Variants in VPS13B observed in about 807,000 individuals in gnomAD.
VPS13B encodes vacuolar protein sorting 13 homolog B.
In VPS13B, 285 loss-of-function variants were observed where a neutral mutation model predicts 426.4. The observed-to-expected ratio is 0.67, with a 90% confidence interval of 0.61 to 0.74. VPS13B has a LOEUF of 0.74. Ranked by LOEUF, VPS13B falls within the 30% of genes least tolerant of loss-of-function variation. The probability of loss-of-function intolerance (pLI) is 0.00; values close to 1 mark genes in which losing one functional copy is unlikely to be tolerated. For synonymous variants in VPS13B, 1,676 were observed against 1,676.4 expected (o/e 1.00, Z 0.01); for missense variants, 4,537 against 4,782.6 (o/e 0.95, Z 1.51).
At chr8:99,048,377 G>T (rs1319377424) in intron 3 of VPS13B, among the ~76,000 whole-genome samples, 1 of 152,172 alleles carries the variant, frequency 6.6e-6, no homozygotes, top group African/African-American at 2.4e-5. Flanking sequence ...TTGCTCCAGG[G>T]TATAGTTTAA....
chr8:99,109,853 A>G (rs1847269196), intron 5 of VPS13B, among the ~76,000 whole-genome samples: 1 of 152,202 alleles, frequency 6.6e-6, no homozygotes, highest in Non-Finnish European at 1.5e-5. Flanking sequence ...TTGTCAGATA[A>G]GAGATGTAAA....
intron 25 of VPS13B, among the ~76,000 whole-genome samples, chr8:99,493,214 G>T (rs895737709): frequency 1.3e-5 from 2 of 152,048 alleles, no homozygotes; most frequent in African/African-American, 4.8e-5. Flanking sequence ...ACCATTTTAA[G>T]TATATAATTC....
chr8:99,745,597 G>A (rs1028791707), intron 39 of VPS13B, among the ~76,000 whole-genome samples: 3 of 152,060 alleles, frequency 2.0e-5, no homozygotes, highest in Admixed American at 6.6e-5. Flanking sequence ...TATATATACA[G>A]AGAGAGTTCA....
chr8:99,057,184 A>T (rs868054382), intron 3 of VPS13B, among the ~76,000 whole-genome samples: 3 of 151,932 alleles, frequency 2.0e-5, no homozygotes, highest in Middle Eastern at 3.2e-3. Flanking sequence ...ACCCACAAAA[A>T]GTATTTTTTT....
intron 35 of VPS13B, among the ~76,000 whole-genome samples, chr8:99,687,543 T>C (rs1161901947): frequency 1.3e-5 from 2 of 151,934 alleles, no homozygotes; most frequent in Non-Finnish European, 2.9e-5. Context: ...TGGCTAGGGA[T>C]GGTCTAAATA....
chr8:99,103,107 C>T lies in VPS13B; in HGVS notation c.567C>T (p.Phe189=). 6.2e-7 allele frequency: 1 copy of T among 1,613,898 alleles called. No individual in the cohort carries two copies. Among genetic ancestry groups the T allele is most frequent in the Non-Finnish European group, 8.5e-7 (1 of 1,179,900 alleles). ...TAGGTGAATTATGGGATCGTGCATTCATGGATATTTCTGGTGAGTAAATAT... is the reference window on the plus strand; with the variant it reads ...TAGGTGAATTATGGGATCGTGCATTTATGGATATTTCTGGTGAGTAAATAT... ...YTVGELWDRA[F]MDISATDLVL... Residue 189 remains phenylalanine (F), a synonymous_variant, in exon 5 of 62, where the codon TTC becomes TTT. Coordinates refer to ENST00000357162, the MANE Select transcript of VPS13B (RefSeq NM_152564.5).
chr8:99,492,631 G>A (rs376243938), intron 25 of VPS13B, among the ~76,000 whole-genome samples: 1 of 152,168 alleles, frequency 6.6e-6, no homozygotes, highest in African/African-American at 2.4e-5. Context: ...AGACTGCTGC[G>A]CTAGCAGTGA....
chr8:99,453,021 C>G (rs530113316), intron 23 of VPS13B, among the ~76,000 whole-genome samples: 19 of 152,250 alleles, frequency 1.2e-4, no homozygotes, highest in African/African-American at 4.6e-4. Flanking sequence ...TTGCCTGTGA[C>G]TTTTATAAAA....
chr8:99,653,037 A>T (rs1829885208), intron 34 of VPS13B, among the ~76,000 whole-genome samples: 1 of 152,202 alleles, frequency 6.6e-6, no homozygotes, highest in African/African-American at 2.4e-5. Flanking sequence ...CTTGACTTTT[A>T]GCCTTGGTTC....
At chr8:99,649,139 CAAG>C (rs990507360) in intron 34 of VPS13B, among the ~76,000 whole-genome samples, 26 of 152,092 alleles carry the variant, frequency 1.7e-4, no homozygotes, top group African/African-American at 6.0e-4. Flanking sequence ...TAGCTGTTTT[CAAG>C]ACACCTGCTT....
intron 17 of VPS13B, among the ~76,000 whole-genome samples, chr8:99,271,224 C>CTAT (rs1563639129): frequency 6.6e-6 from 1 of 150,668 alleles, no homozygotes; most frequent in Non-Finnish European, 1.5e-5. Context: ...ACTACTACTA[C>CTAT]TACTACTACT....
chr8:99,681,468 A>G (rs1831153153), intron 35 of VPS13B, among the ~76,000 whole-genome samples: 1 of 152,218 alleles, frequency 6.6e-6, no homozygotes, highest in African/African-American at 2.4e-5. Flanking sequence ...TACGTCTTGT[A>G]CAGAGGTTGC....
intron 14 of VPS13B, among the ~76,000 whole-genome samples, chr8:99,148,799 G>T (rs1399898844): frequency 2.0e-5 from 3 of 152,192 alleles, no homozygotes; most frequent in African/African-American, 7.2e-5. Flanking sequence ...TAAACAAAGG[G>T]CCAAATGACT....
intron 5 of VPS13B, among the ~76,000 whole-genome samples, chr8:99,108,438 C>T (rs1309224756): frequency 1.3e-5 from 2 of 151,998 alleles, no homozygotes; most frequent in African/African-American, 2.4e-5. Context: ...TAATCTATCT[C>T]GAGTTGATTT....
intron 13 of VPS13B, among the ~76,000 whole-genome samples, chr8:99,146,330 C>T (rs1265644116): frequency 5.3e-5 from 8 of 152,082 alleles, no homozygotes; most frequent in Non-Finnish European, 4.4e-5. Context: ...TGTAAAAAAT[C>T]AATTGAGCAT....
chr8:99,390,125 TCTCA>T (rs1814350306), intron 20 of VPS13B, among the ~76,000 whole-genome samples: 2 of 151,138 alleles, frequency 1.3e-5, no homozygotes, highest in East Asian at 3.9e-4. Flanking sequence ...TGAGATGGAG[TCTCA>T]CTCTGTTGCC....
chr8:99,334,568 T>C (rs1275626386), intron 19 of VPS13B, among the ~76,000 whole-genome samples: 1 of 152,164 alleles, frequency 6.6e-6, no homozygotes, highest in East Asian at 1.9e-4. Flanking sequence ...CGTGAAGCGT[T>C]GTTGAATTTT....
chr8:99,507,289 C>T, intron 28 of VPS13B, 86 bp downstream of exon 28: 1 of 1,381,200 alleles, frequency 7.2e-7, no homozygotes, highest in Non-Finnish European at 1.0e-6. Context: ...CTAATGGTTA[C>T]AAGAATTTGA....
intron 39 of VPS13B, among the ~76,000 whole-genome samples, chr8:99,749,807 G>C (rs1046824274): frequency 1.3e-5 from 2 of 151,756 alleles, no homozygotes; most frequent in Non-Finnish European, 2.9e-5. Context: ...GTTTTGTGAG[G>C]ACCCTCCATA....
Sources: gnomAD v4.1 joint callset for allele counts (sites outside exome capture counted in the v4.1 genomes callset) on GRCh38, gnomAD v4.1.1 for gene constraint, MANE v1.5 for transcripts, NCBI Gene and HGNC (gene_info 2026-07-23, HGNC 2026-07-21) for gene names.